The following RPL27 variants were observed in gnomAD, a reference collection of about 807,000 sequenced individuals.
The protein encoded by RPL27 is ribosomal protein L27, also known as large ribosomal subunit protein eL27.
For missense variants in RPL27, 131 were observed against 174.3 expected, an observed-to-expected ratio of 0.75 and a Z score of 1.40; for synonymous variants, 77 against 61.0, an observed-to-expected ratio of 1.26 and a Z score of -1.22.
chr17:43,001,119 G>A (rs375714989), intron 3 of RPL27, among the ~76,000 whole-genome samples: 9 of 152,106 alleles, frequency 5.9e-5, no homozygotes, highest in South Asian at 2.1e-4. Flanking sequence ...CGAGGCGAGC[G>A]GATCACAGGG....
intron 2 of RPL27, 165 bp from the exon 3 acceptor site, chr17:42,999,767 TC>T: frequency 1.7e-6 from 1 of 594,990 alleles, no homozygotes; most frequent in African/African-American, 1.9e-5. Context: ...TAAACACTGT[TC>T]TGTTTCTCTT....
Position 43,002,205 on chromosome 17 carries a change from T to C in RPL27, c.252-468T>C, listed in dbSNP as rs2151966063. 2.0e-5 allele frequency among the ~76,000 whole-genome samples: 3 copies of C among 151,416 alleles called. 1 individual carries two copies. In the South Asian group the frequency reaches 6.2e-4, roughly 31 times the overall value. ...ATTTTATTGGCTTGAATCCAATAAATGTTAAAAGTGAATTTTCAGGCCGGA... is the reference window on the plus strand; with the variant it reads ...ATTTTATTGGCTTGAATCCAATAAACGTTAAAAGTGAATTTTCAGGCCGGA... On this transcript the variant is annotated intron_variant, in intron 3 of 4. Coordinates refer to ENST00000253788, the MANE Select transcript of RPL27 (RefSeq NM_000988.5).
chr17:43,002,783 G>GGTAAGTA lies in RPL27; in HGVS notation c.362+2_362+8dup, dbSNP rs746070243. 5.6e-6 allele frequency: 9 copies of GGTAAGTA among 1,610,914 alleles called. No homozygotes were observed. The South Asian group carries it at 9.9e-5, about 18-fold the overall frequency. On this transcript the variant is annotated stop_gained and frameshift_variant and splice_region_variant. Coordinates refer to ENST00000253788, the MANE Select transcript of RPL27 (RefSeq NM_000988.5). LOFTEE classifies it high-confidence loss of function. Reference sequence around the variant, plus strand: ...GAGGCCAAGGTCAAGTTTGAAGAGAGGTAAGTAGGCTTTGGTAGTGAATGG... The same window carrying GGTAAGTA: ...GAGGCCAAGGTCAAGTTTGAAGAGAGGTAAGTAGTAAGTAGGCTTTGGTAGTGAATGG...
chr17:43,000,162 C>T (rs1414979857), intron 3 of RPL27, 60 bp downstream of exon 3: 1 of 1,282,012 alleles, frequency 7.8e-7, no homozygotes, highest in South Asian at 1.2e-5. Context: ...AATAATGAGA[C>T]AGACCTTGCA....
At chr17:42,998,410 T>C (rs936296511), upstream of RPL27, 9 of 229,462 alleles carry the variant, frequency 3.9e-5, no homozygotes, top group African/African-American at 2.1e-4. Flanking sequence ...CTCACCGGGG[T>C]GAAAGGTTAG....
rs142006401 is a variant in RPL27, at chr17:43,002,757, G to A, written c.336G>A (p.Arg112=). 3.8e-5 allele frequency: 61 copies of A among 1,613,474 alleles called. No individual in the cohort carries two copies. Among genetic ancestry groups the A allele is most frequent in the Non-Finnish European group, 4.9e-5 (58 of 1,179,522 alleles). The change falls in exon 4 of 5, where the codon CGG becomes CGA. Residue 112 remains arginine, a synonymous_variant. Transcript: ENST00000253788. The stretch of plus-strand genomic sequence containing the variant: ...CTGCTCTTAAACGCAAGGCCCGACG[G>A]GAGGCCAAGGTCAAGTTTGAAGAGA... ...RDPALKRKAR[R]EAKVKFEERY...
At position 43,002,506 on chromosome 17, in the gene RPL27, CAAA is replaced by C. The variant is rs576406334; in HGVS notation, c.252-157_252-155del. Among the ~76,000 whole-genome samples the C allele has an allele frequency of 5.0e-3, 710 of 142,920 alleles. 6 individuals carry two copies. Among genetic ancestry groups the C allele is most frequent in the African/African-American group, 0.017 (682 of 39,148 alleles). The allele number at this position is 142,920 out of a possible 152,430, so 93.8% of individuals were successfully genotyped here. On this transcript the variant is annotated intron_variant, in intron 3 of 4. Transcript: ENST00000253788. ...TGGACGAAAGATTCAGACTCCGTCTCAAAAAAAAAAAAGTGTGAATTTTCAGAT... is the reference window on the plus strand; with the variant it reads ...TGGACGAAAGATTCAGACTCCGTCTCAAAAAAAAAGTGTGAATTTTCAGAT...
intron 3 of RPL27, 48 bp from the exon 4 acceptor site, chr17:43,002,625 G>C (rs948066978): frequency 1.7e-6 from 2 of 1,160,006 alleles, no homozygotes; most frequent in African/African-American, 1.5e-5. Flanking sequence ...CTGTATAGGG[G>C]CCCCGGCAGT....
chr17:43,001,558 C>CT (rs2050362434), intron 3 of RPL27, among the ~76,000 whole-genome samples: 1 of 151,088 alleles, frequency 6.6e-6, no homozygotes, highest in Admixed American at 6.6e-5. Context: ...GAGGTGGAGG[C>CT]TACAGTGAGC....
intron 1 of RPL27, 131 bp from the exon 2 acceptor site, chr17:42,998,618 G>T (rs1471217176): frequency 2.9e-6 from 2 of 696,072 alleles, no homozygotes; most frequent in Admixed American, 2.2e-5. Flanking sequence ...CCCTCGGGCG[G>T]CCTTGACCAA....
Position 42,999,766 on chromosome 17 carries a change from T to C in RPL27, c.82-167T>C, listed in dbSNP as rs986978253. The C allele has an allele frequency of 2.2e-5, 13 of 594,104 alleles. No individual in the cohort carries two copies. The Admixed American group carries it at 3.9e-4, about 18-fold the overall frequency. The allele number at this position is 594,104 out of a possible 1,614,324, so 36.8% of individuals were successfully genotyped here. On this transcript the variant is annotated intron_variant, in intron 2 of 4. Transcript: ENST00000253788. ...TGCTTCCTGATGGAGATAAACACTGTTCTGTTTCTCTTTGGTCATTTCTCA... is the reference window on the plus strand; with the variant it reads ...TGCTTCCTGATGGAGATAAACACTGCTCTGTTTCTCTTTGGTCATTTCTCA...
At chr17:42,999,048 C>T in intron 2 of RPL27, 1 of 537,436 alleles carries the variant, frequency 1.9e-6, no homozygotes, top group East Asian at 3.4e-5. Context: ...CCACCAGAGG[C>T]TTTAAATATA....
Position 42,998,872 on chromosome 17 carries a change from C to A in RPL27, c.81+41C>A, listed in dbSNP as rs775863407. On this transcript the variant is annotated intron_variant, in intron 2 of 4. Coordinates refer to ENST00000253788, the MANE Select transcript of RPL27 (RefSeq NM_000988.5). Reference sequence around the variant, plus strand: ...GACTCTGCGTCCTTGCATGCCGGGACCAGGCTGGCTGCGGCGGGGCGGGCA... The same window carrying A: ...GACTCTGCGTCCTTGCATGCCGGGAACAGGCTGGCTGCGGCGGGGCGGGCA... 8 of 1,553,008 alleles carry A rather than the reference C, an allele frequency of 5.2e-6. No individual in the cohort carries two copies. The East Asian group carries it at 1.8e-4, about 35-fold the overall frequency.
At chr17:43,000,167 C>G in intron 3 of RPL27, 65 bp downstream of exon 3, 2 of 1,266,056 alleles carry the variant, frequency 1.6e-6, no homozygotes, top group Non-Finnish European at 2.3e-6. Context: ...TGAGACAGAC[C>G]TTGCAGCCAT....
intron 3 of RPL27, among the ~76,000 whole-genome samples, chr17:43,000,705 A>C (rs1293261930): frequency 6.7e-6 from 1 of 148,816 alleles, no homozygotes; most frequent in East Asian, 2.1e-4. Flanking sequence ...CAGCCTCCCA[A>C]AGTGCTGGGA....
rs530241417 is a variant in RPL27 at position 43,002,625 on chromosome 17, G to GC, written c.252-44dup. 1.7e-4 allele frequency: 197 copies of GC among 1,160,124 alleles called. No individual in the cohort carries two copies. The Middle Eastern group carries it at 3.2e-3, about 19-fold the overall frequency. The allele number at this position is 1,160,124 out of a possible 1,614,324, so 71.9% of individuals were successfully genotyped here. A position where few individuals can be genotyped will look rare whatever the true frequency, so the allele number is the denominator to read the frequency against. Reference sequence around the variant, plus strand: ...CCACAAGGATTTGGGCTGTATAGGGGCCCCGGCAGTATGTGGGCTAATCCT... The same window carrying GC: ...CCACAAGGATTTGGGCTGTATAGGGGCCCCCGGCAGTATGTGGGCTAATCCT... On this transcript the variant is annotated intron_variant, in intron 3 of 4. Coordinates refer to ENST00000253788, the MANE Select transcript of RPL27 (RefSeq NM_000988.5).
In RPL27 at chr17:43,002,752, C is replaced by G. The variant is rs2050379072; in HGVS notation, c.331C>G (p.Arg111Gly). 1 of 1,613,310 alleles carries G rather than the reference C, an allele frequency of 6.2e-7. No individual in the cohort carries two copies. The highest frequency in any genetic ancestry group is 1.3e-5 in the African/African-American group (1 of 74,824). ...AGATCCTGCTCTTAAACGCAAGGCC[C>G]GACGGGAGGCCAAGGTCAAGTTTGA... ...FRDPALKRKA[R>G]REAKVKFEER... is the part of the protein sequence containing the mutation. Residue 111 changes from arginine (R) to glycine (G), a missense_variant, in exon 4 of 5, where the codon CGA becomes GGA. Coordinates refer to ENST00000253788, the MANE Select transcript of RPL27 (RefSeq NM_000988.5).
At chr17:43,000,950 G>A (rs2050354850) in intron 3 of RPL27, among the ~76,000 whole-genome samples, 1 of 152,006 alleles carries the variant, frequency 6.6e-6, no homozygotes, top group Admixed American at 6.6e-5. Context: ...TTGGGAGGCT[G>A]AGGCAGAAGA....
At chr17:42,999,028 A>G in intron 2 of RPL27, 197 bp downstream of exon 2, 1 of 564,362 alleles carries the variant, frequency 1.8e-6, no homozygotes, top group Non-Finnish European at 3.2e-6. Flanking sequence ...CCCAACGCAT[A>G]AAGCCTTCTC....
Sources: allele counts gnomAD v4.1 joint callset (sites outside exome capture counted in the v4.1 genomes callset), GRCh38; gene constraint gnomAD v4.1.1; transcripts MANE v1.5; gene names NCBI Gene and HGNC (gene_info 2026-07-23, HGNC 2026-07-21).